The following BNC2 variants were observed in gnomAD, a reference collection of about 807,000 sequenced individuals.
BNC2 encodes basonuclin zinc finger protein 2, also known as zinc finger protein basonuclin-2.
BNC2 carries 20 observed loss-of-function variants against 76.3 expected under a neutral mutation model. The ratio of observed to expected loss-of-function variants is 0.26; its 90% CI spans 0.18 to 0.38. The LOEUF (loss-of-function observed/expected upper bound fraction) is 0.38. Ranked by LOEUF, BNC2 falls within the 10% of genes least tolerant of loss-of-function variation. BNC2 has a pLI of 1.00. For synonymous variants in BNC2, 582 were observed against 514.8 expected, an observed-to-expected ratio of 1.13 and a Z score of -1.77; for missense variants, 1,382 against 1,399.8, an observed-to-expected ratio of 0.99 and a Z score of 0.20.
chr9:16,845,128 C>T (rs962020282), intron 1 of BNC2, among the ~76,000 whole-genome samples: 1 of 152,306 alleles, frequency 6.6e-6, no homozygotes, highest in South Asian at 2.1e-4. Context: ...CCTTCCCAGG[C>T]ACTGCCAGGA....
intron 3 of BNC2, among the ~76,000 whole-genome samples, chr9:16,654,746 G>A (rs1344723294): frequency 1.3e-5 from 2 of 150,978 alleles, no homozygotes; most frequent in Admixed American, 1.3e-4. Flanking sequence ...TGAACCATTA[G>A]CCAAGTCAGA....
chr9:16,842,062 G>C lies in BNC2; in HGVS notation c.3+28584C>G, dbSNP rs371617739. Among the ~76,000 whole-genome samples the C allele has an allele frequency of 2.0e-5, 3 of 152,196 alleles. No homozygotes were observed. In the East Asian group the frequency reaches 5.8e-4, roughly 29 times the overall value. ...TGACCTCAGATGATCCACCTGCCTC[G>C]GCCTCCCAAAGTGCTGGTATTACAG... On this transcript the variant is annotated intron_variant, in intron 1 of 6. Coordinates refer to ENST00000380672, the MANE Select transcript of BNC2 (RefSeq NM_017637.6).
intron 1 of BNC2, among the ~76,000 whole-genome samples, chr9:16,778,736 T>C (rs1826037005): frequency 1.3e-5 from 2 of 152,144 alleles, no homozygotes; most frequent in Non-Finnish European, 2.9e-5. Context: ...AATGCATAGT[T>C]CTCAAAGTGG....
chr9:16,554,678 C>G (rs772318532), intron 4 of BNC2, among the ~76,000 whole-genome samples: 1 of 152,160 alleles, frequency 6.6e-6, no homozygotes, highest in Non-Finnish European at 1.5e-5. Context: ...TCAAGTACAG[C>G]TTAACTACTC....
intron 1 of BNC2, among the ~76,000 whole-genome samples, chr9:16,824,482 C>A (rs1475010624): frequency 1.3e-5 from 2 of 152,136 alleles, no homozygotes; most frequent in African/African-American, 4.8e-5. Flanking sequence ...CTTGCCTGTC[C>A]TCAGTCACCT....
intron 5 of BNC2, among the ~76,000 whole-genome samples, chr9:16,484,201 T>C (rs1410583002): frequency 1.3e-5 from 2 of 152,186 alleles, no homozygotes; most frequent in Non-Finnish European, 1.5e-5. Context: ...CTAGGCCGTT[T>C]TACACCTTAT....
intron 1 of BNC2, among the ~76,000 whole-genome samples, chr9:16,843,250 A>G (rs943565830): frequency 6.6e-5 from 10 of 152,234 alleles, no homozygotes; most frequent in African/African-American, 2.4e-4. Flanking sequence ...CTCTTTAAAA[A>G]GGGCAGGGTT....
At chr9:16,485,327 T>G (rs1175016252) in intron 5 of BNC2, among the ~76,000 whole-genome samples, 1 of 152,198 alleles carries the variant, frequency 6.6e-6, no homozygotes, top group African/African-American at 2.4e-5. Context: ...GCTTTCATCC[T>G]GCTCTGATTA....
chr9:16,790,539 G>C (rs960650615), intron 1 of BNC2, among the ~76,000 whole-genome samples: 4 of 152,168 alleles, frequency 2.6e-5, no homozygotes, highest in African/African-American at 9.7e-5. Flanking sequence ...TTCTAAACAA[G>C]CATCTTTTCC....
chr9:16,650,553 T>A (rs987532793), intron 3 of BNC2, among the ~76,000 whole-genome samples: 7 of 152,214 alleles, frequency 4.6e-5, no homozygotes, highest in Non-Finnish European at 8.8e-5. Context: ...CAAAATTTTT[T>A]TTTATTTTTT....
chr9:16,685,640 C>G (rs1035837326), intron 3 of BNC2: 3 of 1,303,420 alleles, frequency 2.3e-6, no homozygotes, highest in African/African-American at 3.0e-5. Flanking sequence ...TGAGGGAATA[C>G]AGCCACGTTA....
intron 3 of BNC2, among the ~76,000 whole-genome samples, chr9:16,638,711 C>T (rs914207631): frequency 2.0e-5 from 3 of 152,084 alleles, no homozygotes; most frequent in Admixed American, 6.6e-5. Flanking sequence ...CCTTCATCTA[C>T]GAAAATACAC....
At chr9:16,767,112 A>G (rs1361875584) in intron 1 of BNC2, among the ~76,000 whole-genome samples, 1 of 152,240 alleles carries the variant, frequency 6.6e-6, no homozygotes, top group Admixed American at 6.5e-5. Flanking sequence ...GAATCTAGGA[A>G]GATCGTAAGA....
chr9:16,750,811 C>T (rs1409080459), intron 1 of BNC2, among the ~76,000 whole-genome samples: 1 of 152,252 alleles, frequency 6.6e-6, no homozygotes, highest in Non-Finnish European at 1.5e-5. Context: ...GCTTGGCATG[C>T]TGCCACATAT....
At chr9:16,577,685 T>C (rs1243380216) in intron 4 of BNC2, among the ~76,000 whole-genome samples, 1 of 152,178 alleles carries the variant, frequency 6.6e-6, no homozygotes, top group Non-Finnish European at 1.5e-5. Flanking sequence ...TAAAACTATC[T>C]TTTCCTCGAA....
At chr9:16,459,032 C>A (rs779779845) in intron 5 of BNC2, among the ~76,000 whole-genome samples, 11 of 152,148 alleles carry the variant, frequency 7.2e-5, no homozygotes, top group Non-Finnish European at 1.6e-4. Context: ...AGTACAGAAA[C>A]CCTACAGTCT....
chr9:16,850,191 T>C (rs1819096044), intron 1 of BNC2, among the ~76,000 whole-genome samples: 1 of 152,202 alleles, frequency 6.6e-6, no homozygotes, highest in Admixed American at 6.5e-5. Context: ...GGCTCCAAAA[T>C]TTTACTTAGA....
intron 1 of BNC2, among the ~76,000 whole-genome samples, chr9:16,825,151 G>A (rs990872637): frequency 6.6e-6 from 1 of 151,900 alleles, no homozygotes; most frequent in Non-Finnish European, 1.5e-5. Context: ...CGAATGAGGA[G>A]GTATGTCATT....
chr9:16,768,176 G>T (rs1236366048), intron 1 of BNC2, among the ~76,000 whole-genome samples: 3 of 151,936 alleles, frequency 2.0e-5, no homozygotes, highest in African/African-American at 4.8e-5. Context: ...ATGTTGGCTA[G>T]GCTGGTCTTA....
Sources: gnomAD v4.1 joint callset for allele counts (sites outside exome capture counted in the v4.1 genomes callset) on GRCh38, gnomAD v4.1.1 for gene constraint, MANE v1.5 for transcripts, NCBI Gene and HGNC (gene_info 2026-07-23, HGNC 2026-07-21) for gene names.